The following STX3 variants were observed in gnomAD, a reference collection of about 807,000 sequenced individuals.
STX3 encodes the protein syntaxin-3.
Under a neutral mutation model 40.2 loss-of-function variants are expected in STX3, and 19 were observed. The ratio of observed to expected loss-of-function variants is 0.47; its 90% CI spans 0.33 to 0.69. The LOEUF is 0.69. STX3 is among the 30% of genes least tolerant of loss of function. STX3 has a pLI of 0.02. For missense variants in STX3, 364 were observed against 366.7 expected (o/e 0.99, Z 0.06); for synonymous variants, 122 against 132.2 (o/e 0.92, Z 0.53).
chr11:59,790,490 T>G (rs1271771928), intron 4 of STX3, 29 bp from the exon 5 acceptor site: 1 of 1,568,114 alleles, frequency 6.4e-7, no homozygotes, highest in Non-Finnish European at 8.8e-7. Flanking sequence ...GGAGATAGGT[T>G]GCAAGTATAA....
At chr11:59,796,606 C>T (rs1865530457) in intron 9 of STX3, among the ~76,000 whole-genome samples, 2 of 152,098 alleles carry the variant, frequency 1.3e-5, no homozygotes, top group African/African-American at 4.8e-5. Flanking sequence ...GAAATTAGAA[C>T]TCTATCAAAA....
rs76903164 is a variant in STX3 at position 59,801,801 on chromosome 11, A to C, written c.*977A>C. On this transcript the variant is annotated 3_prime_UTR_variant, in exon 11 of 11. Coordinates refer to ENST00000337979, the MANE Select transcript of STX3 (RefSeq NM_004177.5). ...GTGTGTCTCAGGAAGTAGGAAATAA[A>C]AATGGAAGCTATTATGACCTCAAAA... is the stretch of plus-strand genomic sequence containing the variant. 2.0e-6 allele frequency: 2 copies of C among 985,832 alleles called. No individual in the cohort carries two copies. Among genetic ancestry groups the C allele is most frequent in the African/African-American group, 3.5e-5 (2 of 57,358 alleles). 61.1% of individuals were successfully genotyped at this position (985,832 alleles called of 1,614,324 possible).
intron 2 of STX3, among the ~76,000 whole-genome samples, chr11:59,777,135 A>G (rs1043110273): frequency 2.6e-5 from 4 of 152,188 alleles, no homozygotes; most frequent in African/African-American, 9.7e-5. Context: ...ATGTTGTTAT[A>G]TGATAAGAAA....
rs192137703 is a variant in STX3 at position 59,763,340 on chromosome 11, A to C, written c.30+7705A>C. Among the ~76,000 whole-genome samples the C allele has an allele frequency of 2.3e-3, 352 of 152,280 alleles. 1 individual carries two copies. The highest frequency in any genetic ancestry group is 8.2e-3 in the African/African-American group (339 of 41,550). On this transcript the variant is annotated intron_variant, in intron 1 of 10. Coordinates refer to ENST00000337979, the MANE Select transcript of STX3 (RefSeq NM_004177.5). ...TTCCTTGTTAGTGTACATAACATCT[A>C]CCTAGAGGGCCTTTTCCCCCTCTTC... is the stretch of plus-strand genomic sequence containing the variant.
intron 2 of STX3, chr11:59,781,778 G>T: frequency 1.3e-6 from 2 of 1,516,940 alleles, no homozygotes; most frequent in Non-Finnish European, 9.0e-7. Context: ...AAGCAAAGAA[G>T]CAAACAAATT....
chr11:59,770,434 T>C (rs970107032), intron 1 of STX3, among the ~76,000 whole-genome samples: 1 of 151,848 alleles, frequency 6.6e-6, no homozygotes. Context: ...TATACAGATA[T>C]ACTTGAGGTC....
intron 2 of STX3, among the ~76,000 whole-genome samples, chr11:59,786,826 A>G (rs1590806571): frequency 6.6e-6 from 1 of 152,170 alleles, no homozygotes; most frequent in African/African-American, 2.4e-5. Context: ...GGGAGCAACA[A>G]GTATGGATTT....
chr11:59,763,386 G>A (rs1417081351), intron 1 of STX3, among the ~76,000 whole-genome samples: 1 of 152,066 alleles, frequency 6.6e-6, no homozygotes, highest in Non-Finnish European at 1.5e-5. Context: ...GGGAGTTTTT[G>A]TCTTTCTTGT....
intron 2 of STX3, among the ~76,000 whole-genome samples, chr11:59,776,610 C>T (rs555857667): frequency 6.6e-6 from 1 of 152,178 alleles, no homozygotes; most frequent in Admixed American, 6.5e-5. Context: ...ATAAAACTTA[C>T]TGTTTGGACT....
intron 1 of STX3, among the ~76,000 whole-genome samples, chr11:59,760,889 G>A (rs938872790): frequency 3.9e-5 from 6 of 152,176 alleles, no homozygotes; most frequent in African/African-American, 1.4e-4. Flanking sequence ...TGCAACAGCA[G>A]TTATGATAGT....
intron 2 of STX3, among the ~76,000 whole-genome samples, chr11:59,783,871 T>C (rs1007811953): frequency 7.9e-5 from 12 of 152,212 alleles, no homozygotes; most frequent in African/African-American, 2.9e-4. Flanking sequence ...ACTGACTAAA[T>C]TGCTGTGAAA....
intron 10 of STX3, chr11:59,799,674 G>A: frequency 2.0e-6 from 2 of 985,406 alleles, no homozygotes; most frequent in Non-Finnish European, 2.4e-6. Context: ...ATTTGTTTCA[G>A]TGTGTCTCTT....
At chr11:59,778,149 G>A (rs1374135882) in intron 2 of STX3, among the ~76,000 whole-genome samples, 1 of 152,068 alleles carries the variant, frequency 6.6e-6, no homozygotes, top group Non-Finnish European at 1.5e-5. Flanking sequence ...CTTCTGCTTG[G>A]CTCTGTTACT....
intron 2 of STX3, among the ~76,000 whole-genome samples, chr11:59,782,924 G>A (rs1206761832): frequency 6.6e-6 from 1 of 151,786 alleles, no homozygotes; most frequent in African/African-American, 2.4e-5. Context: ...ACTTGAACCC[G>A]GGAGGTGGAG....
intron 5 of STX3, 69 bp downstream of exon 5, chr11:59,790,655 A>ATT (rs370918929): frequency 5.2e-5 from 50 of 955,546 alleles, no homozygotes; most frequent in South Asian, 1.8e-4. Context: ...CTGTGGAGGG[A>ATT]TTTTTTTTTT....
intron 2 of STX3, among the ~76,000 whole-genome samples, chr11:59,777,788 T>C (rs1458628258): frequency 6.6e-6 from 1 of 152,220 alleles, no homozygotes; most frequent in Admixed American, 6.5e-5. Context: ...TTTAGTGGTA[T>C]AAAACAACTG....
At chr11:59,773,408 G>A in intron 2 of STX3, 114 bp downstream of exon 2, 1 of 969,314 alleles carries the variant, frequency 1.0e-6, no homozygotes, top group Non-Finnish European at 1.6e-6. Flanking sequence ...ACAGTTTTTT[G>A]CTAGGGTGGG....
chr11:59,756,795 G>A (rs548688760), intron 1 of STX3, among the ~76,000 whole-genome samples: 1 of 152,342 alleles, frequency 6.6e-6, no homozygotes, highest in Middle Eastern at 3.4e-3. Context: ...AGATGCTTAA[G>A]AACACTTTTA....
In STX3 at chr11:59,794,279, G is replaced by A. The variant is rs560910010; in HGVS notation, c.675+765G>A. 6.6e-5 allele frequency among the ~76,000 whole-genome samples: 10 copies of A among 152,292 alleles called. 1 individual carries two copies. In the South Asian group the frequency reaches 1.7e-3, roughly 25 times the overall value. The stretch of plus-strand genomic sequence containing the variant: ...GAATTCTGGATTGCCTGCATAGGGC[G>A]CTAGTTTCGCATAGTTAGATGGTTC... On this transcript the variant is annotated intron_variant, in intron 8 of 10. Transcript: ENST00000337979.
Sources: gnomAD v4.1 joint callset for allele counts (sites outside exome capture counted in the v4.1 genomes callset) on GRCh38, gnomAD v4.1.1 for gene constraint, MANE v1.5 for transcripts, NCBI Gene and HGNC (gene_info 2026-07-23, HGNC 2026-07-21) for gene names.